DTNB: variants seen among roughly 807,000 people sequenced by gnomAD.
DTNB encodes dystrobrevin beta.
A neutral mutation model predicts 90.7 loss-of-function variants in DTNB; 63 were observed. The observed-to-expected ratio is 0.69, with a 90% CI of 0.57 to 0.86. DTNB has a LOEUF of 0.86. DTNB is among the 40% of genes least tolerant of loss of function. The probability of loss-of-function intolerance (pLI) is 0.00; values close to 1 mark genes in which losing one functional copy is unlikely to be tolerated. For synonymous variants in DTNB, 277 were observed against 286.7 expected (o/e 0.97, Z 0.34); for missense variants, 744 against 807.1 (o/e 0.92, Z 0.95).
intron 4 of DTNB, among the ~76,000 whole-genome samples, chr2:25,616,767 C>A (rs1452184553): frequency 6.6e-6 from 1 of 151,312 alleles, no homozygotes; most frequent in Non-Finnish European, 1.5e-5. Flanking sequence ...CCCATCTCTA[C>A]TAAAAATACA....
chr2:25,658,935 T>G (rs767225596), intron 1 of DTNB, among the ~76,000 whole-genome samples: 1 of 152,174 alleles, frequency 6.6e-6, no homozygotes, highest in South Asian at 2.1e-4. Context: ...TTTTTATTTA[T>G]GTATTTTGTA....
intron 14 of DTNB, among the ~76,000 whole-genome samples, chr2:25,429,128 CAT>C (rs2052970865): frequency 6.6e-6 from 1 of 152,160 alleles, no homozygotes; most frequent in East Asian, 1.9e-4. Flanking sequence ...GCAATTGTAA[CAT>C]ACACACTGGA....
intron 19 of DTNB, chr2:25,379,862 G>A (rs1459811937): frequency 6.5e-6 from 1 of 152,936 alleles, no homozygotes. Context: ...GCAGGGTATG[G>A]GAGGGGAGAC....
intron 1 of DTNB, among the ~76,000 whole-genome samples, chr2:25,654,827 T>C (rs944662307): frequency 6.6e-6 from 1 of 152,220 alleles, no homozygotes; most frequent in Admixed American, 6.5e-5. Flanking sequence ...GAATCTCGGA[T>C]TCATCATGTG....
At chr2:25,472,963 T>C (rs760844930) in intron 10 of DTNB, among the ~76,000 whole-genome samples, 1 of 152,242 alleles carries the variant, frequency 6.6e-6, no homozygotes, top group Admixed American at 6.5e-5. Flanking sequence ...TGTGGCTAGT[T>C]GGCTCCCATA....
chr2:25,553,604 G>A (rs919296667), intron 8 of DTNB, among the ~76,000 whole-genome samples: 2 of 151,912 alleles, frequency 1.3e-5, no homozygotes, highest in African/African-American at 4.8e-5. Context: ...GCCGGGTGTG[G>A]TGGCAGGCGC....
intron 3 of DTNB, 82 bp downstream of exon 3, chr2:25,638,932 A>C (rs532557793): frequency 1.5e-6 from 2 of 1,318,992 alleles, no homozygotes; most frequent in East Asian, 5.2e-5. Flanking sequence ...TTAACATTAC[A>C]ATACAACTAA....
chr2:25,589,570 G>A (rs770377370), intron 6 of DTNB, among the ~76,000 whole-genome samples: 10 of 151,640 alleles, frequency 6.6e-5, no homozygotes, highest in Non-Finnish European at 1.2e-4. Context: ...TAGTAGAGAC[G>A]AGGTTTCACC....
At chr2:25,635,705 G>A (rs1039987773) in intron 3 of DTNB, among the ~76,000 whole-genome samples, 1 of 152,162 alleles carries the variant, frequency 6.6e-6, no homozygotes, top group Non-Finnish European at 1.5e-5. Flanking sequence ...AAACACAGGA[G>A]AGTTGTTTTG....
chr2:25,429,526 G>T (rs2053137716), intron 14 of DTNB, among the ~76,000 whole-genome samples: 1 of 152,166 alleles, frequency 6.6e-6, no homozygotes, highest in Admixed American at 6.5e-5. Context: ...CTGTCGGGAA[G>T]CTGCTCCTGA....
At chr2:25,384,422 G>A (rs1020603730) in intron 18 of DTNB, among the ~76,000 whole-genome samples, 1 of 152,186 alleles carries the variant, frequency 6.6e-6, no homozygotes, top group African/African-American at 2.4e-5. Context: ...CACTCAAGAG[G>A]GTCACAGATG....
At chr2:25,637,378 A>G (rs947991341) in intron 3 of DTNB, among the ~76,000 whole-genome samples, 23 of 152,204 alleles carry the variant, frequency 1.5e-4, no homozygotes. Flanking sequence ...TAAACTAAAG[A>G]GCTTCTGCAC....
Position 25,478,799 on chromosome 2 carries a change from C to G in DTNB, c.1079+3997G>C, listed in dbSNP as rs2064283172. ...CAACGCAATCCAGGACACAAGAATC[C>G]TTCCTTGCGTTTTTCTAATCCAAAG... On this transcript the variant is annotated intron_variant, in intron 10 of 20. Transcript: ENST00000406818. Among the ~76,000 whole-genome samples, 3 of 152,288 alleles carry G rather than the reference C, an allele frequency of 2.0e-5. No homozygotes were observed. The South Asian group carries it at 6.2e-4, about 32-fold the overall frequency.
chr2:25,519,815 T>G (rs1205651691), intron 9 of DTNB, among the ~76,000 whole-genome samples: 2 of 152,164 alleles, frequency 1.3e-5, no homozygotes, highest in Admixed American at 6.6e-5. Flanking sequence ...TCAAGATACC[T>G]AGAATGAATC....
At position 25,409,507 on chromosome 2, in the gene DTNB, A is replaced by G. The variant is rs113567324; in HGVS notation, c.1575+10008T>C. Among the ~76,000 whole-genome samples, 22 of 152,364 alleles carry G rather than the reference A, an allele frequency of 1.4e-4. No individual in the cohort carries two copies. In the South Asian group the frequency reaches 4.3e-3, roughly 30 times the overall value. On this transcript the variant is annotated intron_variant, in intron 16 of 20. Coordinates refer to ENST00000406818, the MANE Select transcript of DTNB (RefSeq NM_021907.5). ...CCATTCATGTGTAATTCACAGATTT[A>G]AGATTTACATCTTTGTTCAGTGGAG... is the stretch of plus-strand genomic sequence containing the variant.
At chr2:25,511,458 A>G (rs1558823545) in intron 9 of DTNB, among the ~76,000 whole-genome samples, 1 of 151,986 alleles carries the variant, frequency 6.6e-6, no homozygotes, top group Non-Finnish European at 1.5e-5. Flanking sequence ...CAGCCTCCCA[A>G]GTAGCTGGGA....
intron 10 of DTNB, among the ~76,000 whole-genome samples, chr2:25,458,300 G>A (rs1052158749): frequency 6.6e-6 from 1 of 151,970 alleles, no homozygotes; most frequent in Non-Finnish European, 1.5e-5. Context: ...TTGAAAATCA[G>A]TCAGCTTTGC....
chr2:25,650,202 G>A (rs376915568), intron 2 of DTNB: 1 of 985,446 alleles, frequency 1.0e-6, no homozygotes. Flanking sequence ...CCTCTTCTTA[G>A]TATCAGGAAT....
intron 8 of DTNB, among the ~76,000 whole-genome samples, chr2:25,574,134 G>A (rs1245286281): frequency 6.6e-6 from 1 of 152,202 alleles, no homozygotes; most frequent in Non-Finnish European, 1.5e-5. Flanking sequence ...GAAAAGTGTA[G>A]TCTAGACATG....
Sources: allele counts gnomAD v4.1 joint callset (sites outside exome capture counted in the v4.1 genomes callset), GRCh38; gene constraint gnomAD v4.1.1; transcripts MANE v1.5; gene names NCBI Gene and HGNC (gene_info 2026-07-23, HGNC 2026-07-21).